The following SLCO6A1 variants were observed in gnomAD, a reference collection of about 807,000 sequenced individuals.
SLCO6A1 encodes the protein cancer/testis antigen 48.
In SLCO6A1, 65 loss-of-function variants were observed where a neutral mutation model predicts 72.7. The ratio of observed to expected loss-of-function variants is 0.89; its 90% CI spans 0.73 to 1.10. SLCO6A1 has a LOEUF of 1.10. Ranked by LOEUF, SLCO6A1 falls within the 50% of genes least tolerant of loss-of-function variation. The probability of loss-of-function intolerance (pLI) is 0.00; values close to 1 mark genes in which losing one functional copy is unlikely to be tolerated. For synonymous variants in SLCO6A1, 314 were observed against 298.2 expected (o/e 1.05, Z -0.55); for missense variants, 874 against 872.6 (o/e 1.00, Z -0.02).
chr5:102,461,735 C>T (rs1481191139), intron 4 of SLCO6A1, among the ~76,000 whole-genome samples: 3 of 152,038 alleles, frequency 2.0e-5, no homozygotes, highest in Non-Finnish European at 4.4e-5. Flanking sequence ...AGAAGCTTGG[C>T]CCATGCCTCT....
At chr5:102,395,322 A>C (rs1747009406) in intron 10 of SLCO6A1, among the ~76,000 whole-genome samples, 1 of 152,096 alleles carries the variant, frequency 6.6e-6, no homozygotes, top group Non-Finnish European at 1.5e-5. Flanking sequence ...TAGTTTGCTG[A>C]GAATGATGGT....
At chr5:102,478,686 G>A (rs1262473102) in intron 2 of SLCO6A1, among the ~76,000 whole-genome samples, 1 of 152,038 alleles carries the variant, frequency 6.6e-6, no homozygotes, top group Non-Finnish European at 1.5e-5. Context: ...AAATTTGTTT[G>A]TAGATTGTTA....
chr5:102,498,683 AAGT>A lies in SLCO6A1; in HGVS notation c.159_161del (p.Leu54del), dbSNP rs1753025366. 2 of 1,614,148 alleles carry A rather than the reference AAGT, an allele frequency of 1.2e-6. No individual in the cohort carries two copies. Among genetic ancestry groups the A allele is most frequent in the Non-Finnish European group, 1.7e-6 (2 of 1,180,020 alleles). On this transcript the variant is annotated inframe_deletion, in exon 1 of 14. Transcript: ENST00000506729. Reference sequence around the variant, plus strand: ...CGCCGAACCTTATCAAGGCCTCTGGAAGTAGTCTCAGATACCGGTGTTTTTTCC... The same window carrying A: ...CGCCGAACCTTATCAAGGCCTCTGGAAGTCTCAGATACCGGTGTTTTTTCC...
At chr5:102,480,029 A>T in intron 2 of SLCO6A1, 148 bp downstream of exon 2, 1 of 698,794 alleles carries the variant, frequency 1.4e-6, no homozygotes, top group Non-Finnish European at 2.3e-6. Context: ...TGCTACAATT[A>T]GTTAATTAGC....
chr5:102,468,539 T>C (rs1472339222), intron 4 of SLCO6A1, among the ~76,000 whole-genome samples: 1 of 152,088 alleles, frequency 6.6e-6, no homozygotes, highest in Non-Finnish European at 1.5e-5. Flanking sequence ...ATATTTAGGA[T>C]TGTGACATTT....
chr5:102,462,431 C>A (rs185861392), intron 4 of SLCO6A1, among the ~76,000 whole-genome samples: 60 of 152,242 alleles, frequency 3.9e-4, no homozygotes, highest in African/African-American at 1.4e-3. Flanking sequence ...ATAGCCAAAG[C>A]AAGACTAAGT....
intron 4 of SLCO6A1, among the ~76,000 whole-genome samples, chr5:102,465,314 G>GAT (rs10607474): frequency 7.4e-4 from 111 of 149,266 alleles, no homozygotes; most frequent in South Asian, 2.8e-3. Context: ...GGAGTTAGTG[G>GAT]ATATATATAT....
In SLCO6A1 at chr5:102,386,818, G is replaced by T. The variant is rs532920690; in HGVS notation, c.2017+1870C>A. On this transcript the variant is annotated intron_variant, in intron 12 of 13. Transcript: ENST00000506729. ...GCCTGATGCTAAGAGGGTCAGCCTA[G>T]AGCTGTATTTTACTGAGACAGACTT... Among the ~76,000 whole-genome samples, 79 of 152,280 alleles carry T rather than the reference G, an allele frequency of 5.2e-4. 1 individual carries two copies. The highest frequency in any genetic ancestry group is 1.8e-3 in the African/African-American group (76 of 41,566).
intron 8 of SLCO6A1, among the ~76,000 whole-genome samples, chr5:102,415,605 C>A (rs1748239864): frequency 6.6e-6 from 1 of 152,044 alleles, no homozygotes; most frequent in African/African-American, 2.4e-5. Context: ...TCTAAAAATA[C>A]CAGAAGAAAA....
At chr5:102,423,514 C>A (rs909261203) in intron 7 of SLCO6A1, among the ~76,000 whole-genome samples, 2 of 151,910 alleles carry the variant, frequency 1.3e-5, no homozygotes, top group Non-Finnish European at 2.9e-5. Flanking sequence ...CAACAAAGAT[C>A]AAAAAAGCCA....
intron 4 of SLCO6A1, 112 bp from the exon 5 acceptor site, chr5:102,459,889 G>T: frequency 2.2e-6 from 2 of 902,372 alleles, no homozygotes; most frequent in Non-Finnish European, 1.6e-6. Context: ...GTTGGAGAGT[G>T]AGACAGAAAT....
intron 8 of SLCO6A1, among the ~76,000 whole-genome samples, chr5:102,414,163 T>C (rs1272362444): frequency 1.3e-5 from 2 of 152,132 alleles, no homozygotes; most frequent in African/African-American, 2.4e-5. Flanking sequence ...TAATGCAAGA[T>C]AAAAAATATT....
intron 1 of SLCO6A1, among the ~76,000 whole-genome samples, chr5:102,490,835 G>A (rs1364202235): frequency 6.6e-6 from 1 of 152,190 alleles, no homozygotes; most frequent in Non-Finnish European, 1.5e-5. Context: ...TAAAGGCAGT[G>A]TGGACCCAAA....
intron 12 of SLCO6A1, among the ~76,000 whole-genome samples, chr5:102,384,011 T>C (rs1746267461): frequency 6.6e-6 from 1 of 151,858 alleles, no homozygotes; most frequent in Non-Finnish European, 1.5e-5. Context: ...TTTATTTCTG[T>C]TGCATAACTT....
At chr5:102,454,431 TACC>T (rs746910385) in intron 6 of SLCO6A1, among the ~76,000 whole-genome samples, 5 of 152,230 alleles carry the variant, frequency 3.3e-5, no homozygotes, top group Non-Finnish European at 7.3e-5. Flanking sequence ...CTGCCAGTTT[TACC>T]ACCACATTTT....
At chr5:102,394,500 A>G (rs1746954235) in intron 10 of SLCO6A1, among the ~76,000 whole-genome samples, 1 of 151,986 alleles carries the variant, frequency 6.6e-6, no homozygotes, top group Non-Finnish European at 1.5e-5. Flanking sequence ...ACAATATCAT[A>G]TTATATGTAG....
At position 102,391,977 on chromosome 5, in the gene SLCO6A1, C is replaced by G. The variant is rs1216401883; in HGVS notation, c.1815-932G>C. 2.0e-5 allele frequency among the ~76,000 whole-genome samples: 3 copies of G among 151,984 alleles called. No homozygotes were observed. The South Asian group carries it at 6.2e-4, about 32-fold the overall frequency. ...AAATAAAAATACAATTAAAAATAAT[C>G]CTTGAACATTTTAAAAAGTTAAAAA... On this transcript the variant is annotated intron_variant, in intron 10 of 13. Coordinates refer to ENST00000506729, the MANE Select transcript of SLCO6A1 (RefSeq NM_173488.5).
At chr5:102,383,337 G>A (rs1474505017) in intron 12 of SLCO6A1, among the ~76,000 whole-genome samples, 16 of 151,358 alleles carry the variant, frequency 1.1e-4, no homozygotes, top group Admixed American at 9.9e-4. Context: ...GTCTGAGTAA[G>A]TAATATATTT....
At chr5:102,424,898 G>A (rs1748805666) in intron 7 of SLCO6A1, among the ~76,000 whole-genome samples, 1 of 152,078 alleles carries the variant, frequency 6.6e-6, no homozygotes, top group South Asian at 2.1e-4. Context: ...GAATCAAGCA[G>A]CACACTAGAA....
Sources: gnomAD v4.1 joint callset for allele counts (sites outside exome capture counted in the v4.1 genomes callset) on GRCh38, gnomAD v4.1.1 for gene constraint, MANE v1.5 for transcripts, NCBI Gene and HGNC (gene_info 2026-07-23, HGNC 2026-07-21) for gene names.